Variants in ROBO2 observed in about 807,000 individuals in gnomAD.
ROBO2 encodes the protein roundabout homolog 2.
A neutral mutation model predicts 160.8 loss-of-function variants in ROBO2; 53 were observed. That is an observed-to-expected ratio of 0.33 (90% CI 0.26 to 0.41). ROBO2 has a LOEUF of 0.41. Among genes scored for constraint, ROBO2 ranks in the 10% least tolerant of loss-of-function variants. The probability of loss-of-function intolerance (pLI) is 1.00; values close to 1 mark genes in which losing one functional copy is unlikely to be tolerated. For missense variants in ROBO2, 1,577 were observed against 1,722.4 expected, an observed-to-expected ratio of 0.92 and a Z score of 1.49; for synonymous variants, 664 against 611.7, an observed-to-expected ratio of 1.09 and a Z score of -1.26.
chr3:76,122,526 G>A (rs182068932), intron 2 of ROBO2, among the ~76,000 whole-genome samples: 29 of 152,110 alleles, frequency 1.9e-4, no homozygotes, highest in African/African-American at 1.4e-4. Flanking sequence ...GGCATTTATT[G>A]ATTTTTTTCT....
intron 1 of ROBO2, among the ~76,000 whole-genome samples, chr3:75,921,582 T>C (rs1253044086): frequency 6.6e-6 from 1 of 152,118 alleles, no homozygotes; most frequent in Non-Finnish European, 1.5e-5. Context: ...AATCAACAAA[T>C]ATACTATAAT....
At position 77,045,317 on chromosome 3, in the gene ROBO2, C is replaced by A. The variant is rs1239308759; in HGVS notation, c.61+4471C>A. Reference sequence around the variant, plus strand: ...CGGAGGCCTCAATCCTTAGTGTTTTCTCCTCCATTTGCAGCCAATCCTTAG... The same window carrying A: ...CGGAGGCCTCAATCCTTAGTGTTTTATCCTCCATTTGCAGCCAATCCTTAG... On this transcript the variant is annotated intron_variant, in intron 1 of 25. Coordinates refer to ENST00000461745, the Ensembl canonical transcript of ROBO2. Among the ~76,000 whole-genome samples, 5 of 152,146 alleles carry A rather than the reference C, an allele frequency of 3.3e-5. No individual in the cohort carries two copies. In the East Asian group the frequency reaches 9.6e-4, roughly 29 times the overall value.
intron 2 of ROBO2, among the ~76,000 whole-genome samples, chr3:76,568,595 C>T (rs990130422): frequency 6.6e-6 from 1 of 152,176 alleles, no homozygotes; most frequent in African/African-American, 2.4e-5. Context: ...CGTGAGCCAC[C>T]GCGCCTGGCC....
At chr3:76,514,657 TTTTA>T (rs2081262894) in intron 2 of ROBO2, among the ~76,000 whole-genome samples, 1 of 152,230 alleles carries the variant, frequency 6.6e-6, no homozygotes, top group African/African-American at 2.4e-5. Context: ...CTTTTTCAAC[TTTTA>T]TTTCTTTTTT....
intron 2 of ROBO2, among the ~76,000 whole-genome samples, chr3:76,404,445 T>C (rs6762968): frequency 0.18 from 27,984 of 151,402 alleles, 3,045 homozygotes; most frequent in African/African-American, 0.3. Context: ...TATTATGTGC[T>C]CTTGGAATAG....
intron 2 of ROBO2, among the ~76,000 whole-genome samples, chr3:76,412,131 G>C (rs2075519029): frequency 6.6e-6 from 1 of 152,146 alleles, no homozygotes; most frequent in South Asian, 2.1e-4. Flanking sequence ...AGAAGCAAAA[G>C]CAGAAACCAC....
At chr3:76,849,449 A>T (rs1239446725) in intron 2 of ROBO2, among the ~76,000 whole-genome samples, 1 of 152,192 alleles carries the variant, frequency 6.6e-6, no homozygotes, top group Non-Finnish European at 1.5e-5. Context: ...TTTGCAGCTA[A>T]CTTGAAGTAC....
intron 5 of ROBO2, among the ~76,000 whole-genome samples, chr3:77,500,463 GA>G (rs2087430519): frequency 6.6e-6 from 1 of 152,084 alleles, no homozygotes. Context: ...AGTCACCTAT[GA>G]ATTTTATATT....
At chr3:76,823,176 T>C (rs2066267369) in intron 2 of ROBO2, among the ~76,000 whole-genome samples, 1 of 152,136 alleles carries the variant, frequency 6.6e-6, no homozygotes, top group African/African-American at 2.4e-5. Flanking sequence ...GGTTGATTTC[T>C]TTTGACATCT....
chr3:76,305,567 T>A (rs530902739), intron 2 of ROBO2, among the ~76,000 whole-genome samples: 1 of 151,790 alleles, frequency 6.6e-6, no homozygotes, highest in Non-Finnish European at 1.5e-5. Flanking sequence ...AAGACCAGCC[T>A]AGCCACCATG....
chr3:76,040,222 T>A lies in ROBO2; in HGVS notation c.109+102620T>A, dbSNP rs140304154. Among the ~76,000 whole-genome samples the A allele has an allele frequency of 1.7e-4, 26 of 152,002 alleles. No homozygotes were observed. The East Asian group carries it at 4.6e-3, about 27-fold the overall frequency. On this transcript the variant is annotated intron_variant, in intron 2 of 26. Coordinates refer to the ROBO2 transcript ENST00000487694. ...CTTGTTTATAAATGTAAAACATTTT[T>A]AAATATTTTTAAATTTATTTATAAA...
exon 16 of ROBO2, chr3:77,580,044 A>G: frequency 6.2e-7 from 1 of 1,613,922 alleles, no homozygotes; most frequent in Middle Eastern, 1.7e-4. Flanking sequence ...CCAGGTATTC[A>G]ATACCGGGTA....
intron 5 of ROBO2, among the ~76,000 whole-genome samples, chr3:77,496,374 T>C (rs2086780679): frequency 6.6e-6 from 1 of 152,178 alleles, no homozygotes; most frequent in African/African-American, 2.4e-5. Flanking sequence ...CAGAGGAGTT[T>C]ATTCATTCCT....
intron 2 of ROBO2, among the ~76,000 whole-genome samples, chr3:77,219,273 C>G (rs1463482192): frequency 6.6e-6 from 1 of 151,696 alleles, no homozygotes; most frequent in African/African-American, 2.4e-5. Context: ...CGCACTGGGC[C>G]TCGACTTCTT....
chr3:77,083,038 C>T (rs2068847176), intron 1 of ROBO2, among the ~76,000 whole-genome samples: 1 of 152,076 alleles, frequency 6.6e-6, no homozygotes, highest in Non-Finnish European at 1.5e-5. Context: ...ATACATATGT[C>T]AGGCACAAGC....
At chr3:77,200,229 T>C (rs2082706228) in intron 2 of ROBO2, among the ~76,000 whole-genome samples, 1 of 131,884 alleles carries the variant, frequency 7.6e-6, no homozygotes, top group Non-Finnish European at 1.6e-5. Flanking sequence ...AAATATATGC[T>C]AATAATTTGT....
intron 2 of ROBO2, among the ~76,000 whole-genome samples, chr3:77,226,798 C>A (rs1225855020): frequency 6.6e-6 from 1 of 152,130 alleles, no homozygotes; most frequent in Non-Finnish European, 1.5e-5. Flanking sequence ...TTAAATATCT[C>A]ATAAAATTTA....
intron 2 of ROBO2, chr3:77,317,046 GTCATTCAC>G: frequency 6.7e-7 from 1 of 1,500,828 alleles, no homozygotes; most frequent in South Asian, 1.1e-5. Flanking sequence ...ACTCTGTCCC[GTCATTCAC>G]AGTAGTGTGA....
chr3:77,311,805 G>A lies in ROBO2; in HGVS notation c.389-165609G>A, dbSNP rs146451187. Among the ~76,000 whole-genome samples, 551 of 152,150 alleles carry A rather than the reference G, an allele frequency of 3.6e-3. 3 individuals carry two copies. The highest frequency in any genetic ancestry group is 0.013 in the African/African-American group (538 of 41,516). ...ACATCACTCAAAACAAATGACTCAGGGCCGGGCGCAGTGGGTCACGCCTGT... is the reference window on the plus strand; with the variant it reads ...ACATCACTCAAAACAAATGACTCAGAGCCGGGCGCAGTGGGTCACGCCTGT... On this transcript the variant is annotated intron_variant, in intron 2 of 25. Coordinates refer to ENST00000461745, the Ensembl canonical transcript of ROBO2.
Sources: gnomAD v4.1 joint callset for allele counts (sites outside exome capture counted in the v4.1 genomes callset) on GRCh38, gnomAD v4.1.1 for gene constraint, MANE v1.5 for transcripts, NCBI Gene and HGNC (gene_info 2026-07-23, HGNC 2026-07-21) for gene names.